The following NRG1 variants were observed in gnomAD, a reference collection of about 807,000 sequenced individuals.
The protein encoded by NRG1 is pro-neuregulin-1, membrane-bound isoform.
A neutral mutation model predicts 63.8 loss-of-function variants in NRG1; 18 were observed. That is an observed-to-expected ratio of 0.28 (90% confidence interval 0.19 to 0.42). The LOEUF is 0.42. NRG1 is among the 10% of genes least tolerant of loss of function. The pLI, the probability that NRG1 is intolerant of heterozygous loss-of-function variation, is 1.00. For missense variants in NRG1, 762 were observed against 814.7 expected (o/e 0.94, Z 0.79); for synonymous variants, 302 against 301.3 (o/e 1.00, Z -0.02).
chr8:31,788,513 T>C (rs1265445786), intron 1 of NRG1, among the ~76,000 whole-genome samples: 1 of 152,152 alleles, frequency 6.6e-6, no homozygotes, highest in Non-Finnish European at 1.5e-5. Context: ...CAAAGAACAG[T>C]ACCCCTCAGG....
chr8:31,663,654 G>A (rs988840352), intron 1 of NRG1, among the ~76,000 whole-genome samples: 1 of 152,174 alleles, frequency 6.6e-6, no homozygotes, highest in African/African-American at 2.4e-5. Flanking sequence ...ATAACATTTT[G>A]TAGAGTTAGG....
chr8:31,818,062 A>G (rs1823625665), intron 1 of NRG1, among the ~76,000 whole-genome samples: 1 of 152,236 alleles, frequency 6.6e-6, no homozygotes, highest in South Asian at 2.1e-4. Flanking sequence ...GCCAGCAAAT[A>G]CGTAATCCAC....
At chr8:31,953,885 C>A (rs1327947588) in intron 1 of NRG1, among the ~76,000 whole-genome samples, 1 of 152,188 alleles carries the variant, frequency 6.6e-6, no homozygotes, top group East Asian at 1.9e-4. Context: ...GCTGTGAGAG[C>A]TCTGAAGAGG....
intron 5 of NRG1, among the ~76,000 whole-genome samples, chr8:32,673,060 T>C (rs548147748): frequency 2.0e-5 from 3 of 152,322 alleles, no homozygotes; most frequent in African/African-American, 7.2e-5. Flanking sequence ...ATAGTGTTTA[T>C]GCCTATAATT....
chr8:31,783,485 A>G (rs1819886541), intron 1 of NRG1, among the ~76,000 whole-genome samples: 1 of 152,076 alleles, frequency 6.6e-6, no homozygotes, highest in Admixed American at 6.6e-5. Context: ...TTGTCTAGAA[A>G]TGAATATTTG....
chr8:32,493,469 T>G (rs1826835596), intron 1 of NRG1, among the ~76,000 whole-genome samples: 1 of 152,164 alleles, frequency 6.6e-6, no homozygotes, highest in Admixed American at 6.5e-5. Flanking sequence ...ATAATGCAAG[T>G]GATTTTTTTG....
At chr8:32,712,747 G>A (rs1396124234) in intron 5 of NRG1, among the ~76,000 whole-genome samples, 1 of 152,016 alleles carries the variant, frequency 6.6e-6, no homozygotes, top group African/African-American at 2.4e-5. Context: ...TAAGATTTTG[G>A]TGCCACGCCT....
intron 1 of NRG1, among the ~76,000 whole-genome samples, chr8:31,962,511 A>G (rs1805620881): frequency 6.6e-6 from 1 of 152,214 alleles, no homozygotes; most frequent in Non-Finnish European, 1.5e-5. Context: ...GATGGCCTGA[A>G]AAATCCCTAA....
intron 1 of NRG1, among the ~76,000 whole-genome samples, chr8:32,034,622 C>T (rs1026188654): frequency 6.6e-6 from 1 of 152,162 alleles, no homozygotes; most frequent in Non-Finnish European, 1.5e-5. Flanking sequence ...GCCTCAATTT[C>T]AGAGCTTGTT....
Position 32,300,243 on chromosome 8 carries a change from T to G in NRG1, c.38-295585T>G, listed in dbSNP as rs969046345. 1.8e-4 allele frequency among the ~76,000 whole-genome samples: 28 copies of G among 152,272 alleles called. 1 individual carries two copies. The highest frequency in any genetic ancestry group is 1.0e-3 in the South Asian group (5 of 4,826). ...CACTCTGAGATCGTTAACACTTTTT[T>G]CAATAAGGTTAGATAACTAAGATGA... On this transcript the variant is annotated intron_variant, in intron 1 of 10. Transcript: ENST00000519301.
At chr8:32,324,720 T>C (rs546740254) in intron 1 of NRG1, among the ~76,000 whole-genome samples, 21 of 152,296 alleles carry the variant, frequency 1.4e-4, no homozygotes, top group South Asian at 4.1e-4. Context: ...TGTAAATAGT[T>C]CTCAATAGTT....
chr8:32,616,999 T>C, intron 5 of NRG1, 114 bp downstream of exon 5: 1 of 755,208 alleles, frequency 1.3e-6, no homozygotes. Context: ...GTATTGAGTT[T>C]GGCAATAGGT....
chr8:32,169,531 A>G (rs907250038), intron 1 of NRG1, among the ~76,000 whole-genome samples: 6 of 152,224 alleles, frequency 3.9e-5, no homozygotes, highest in African/African-American at 1.4e-4. Context: ...TTTGACAGTG[A>G]TTAGTGTAAA....
At chr8:32,489,772 G>A (rs183593462) in intron 1 of NRG1, among the ~76,000 whole-genome samples, 2 of 152,204 alleles carry the variant, frequency 1.3e-5, no homozygotes, top group African/African-American at 4.8e-5. Flanking sequence ...GCCAAGTTTT[G>A]GCTCATCCAA....
At chr8:32,544,213 A>G (rs1367138064), upstream of NRG1, among the ~76,000 whole-genome samples, 1 of 152,210 alleles carries the variant, frequency 6.6e-6, no homozygotes, top group Non-Finnish European at 1.5e-5. Flanking sequence ...ACCATAAGCT[A>G]AGGAAGCTTA....
chr8:32,734,886 G>A (rs1291096691), intron 6 of NRG1, among the ~76,000 whole-genome samples: 1 of 152,134 alleles, frequency 6.6e-6, no homozygotes, highest in Non-Finnish European at 1.5e-5. Context: ...TATGAGACAG[G>A]CTCTGTGCTC....
chr8:31,706,351 TAG>T (rs1339645561), intron 1 of NRG1, among the ~76,000 whole-genome samples: 2 of 152,082 alleles, frequency 1.3e-5, no homozygotes, highest in Non-Finnish European at 2.9e-5. Flanking sequence ...TAACATAATA[TAG>T]AGTTATTTCC....
intron 1 of NRG1, among the ~76,000 whole-genome samples, chr8:32,092,421 C>T (rs1359835341): frequency 1.5e-5 from 2 of 137,802 alleles, no homozygotes; most frequent in Non-Finnish European, 1.5e-5. Context: ...ATGATCATGA[C>T]ACTGCATTCC....
chr8:32,193,172 G>T (rs114346423), intron 1 of NRG1, among the ~76,000 whole-genome samples: 4,380 of 152,234 alleles, frequency 0.029, 184 homozygotes, highest in African/African-American at 0.099. Context: ...TACTTTTTCA[G>T]AACAGCCAGG....
Sources: gnomAD v4.1 joint callset for allele counts (sites outside exome capture counted in the v4.1 genomes callset) on GRCh38, gnomAD v4.1.1 for gene constraint, MANE v1.5 for transcripts, NCBI Gene and HGNC (gene_info 2026-07-23, HGNC 2026-07-21) for gene names.